MALRD1: variants seen among roughly 807,000 people sequenced by gnomAD.
MALRD1 encodes the protein MAM and LDL receptor class A domain containing 1, also known as MAM and LDL-receptor class A domain-containing protein 1.
A neutral mutation model predicts 242.1 loss-of-function variants in MALRD1; 247 were observed. The ratio of observed to expected loss-of-function variants is 1.02; its 90% CI spans 0.92 to 1.13. The LOEUF (loss-of-function observed/expected upper bound fraction) is 1.13, where lower values mean the gene tolerates loss of function less well. MALRD1 is among the 50% of genes most tolerant of loss of function. The probability of loss-of-function intolerance (pLI) is 0.00; values close to 1 mark genes in which losing one functional copy is unlikely to be tolerated. For missense variants in MALRD1, 2,989 were observed against 2,533.1 expected, an observed-to-expected ratio of 1.18 and a Z score of -3.86; for synonymous variants, 995 against 866.6, an observed-to-expected ratio of 1.15 and a Z score of -2.60.
chr10:19,139,087 A>T (rs766203964), intron 10 of MALRD1, among the ~76,000 whole-genome samples: 21 of 152,358 alleles, frequency 1.4e-4, no homozygotes, highest in Non-Finnish European at 2.6e-4. Context: ...GCCATATTGC[A>T]TACAGTATAT....
intron 11 of MALRD1, among the ~76,000 whole-genome samples, chr10:19,150,165 G>T (rs1833890787): frequency 6.6e-6 from 1 of 152,140 alleles, no homozygotes; most frequent in South Asian, 2.1e-4. Flanking sequence ...ACGTGTTTTT[G>T]TCTGGACATA....
chr10:19,340,770 A>G (rs1228044452), intron 24 of MALRD1, among the ~76,000 whole-genome samples: 1 of 152,140 alleles, frequency 6.6e-6, no homozygotes, highest in East Asian at 1.9e-4. Context: ...GCTTCAAAAT[A>G]TCATTACTTT....
intron 5 of MALRD1, among the ~76,000 whole-genome samples, chr10:19,115,793 T>G (rs1307944865): frequency 6.6e-6 from 1 of 152,048 alleles, no homozygotes; most frequent in Non-Finnish European, 1.5e-5. Context: ...GGAGAATCGC[T>G]TGAACCCAGG....
chr10:19,478,189 C>A (rs575119357), intron 29 of MALRD1, among the ~76,000 whole-genome samples: 1 of 152,190 alleles, frequency 6.6e-6, no homozygotes, highest in Non-Finnish European at 1.5e-5. Context: ...ATCCTTACTG[C>A]GCATTATTGT....
In MALRD1 at chr10:19,238,516, TATTATATATAATATAC is replaced by T. The variant is rs1564492841; in HGVS notation, c.2992-19152_2992-19137del. Among the ~76,000 whole-genome samples, 59 of 80,830 alleles carry T rather than the reference TATTATATATAATATAC, an allele frequency of 7.3e-4. 5 individuals are homozygous for T. The highest frequency in any genetic ancestry group is 2.4e-3 in the African/African-American group (41 of 16,912). 53.0% of individuals were successfully genotyped at this position (80,830 alleles called of 152,430 possible). A position where few individuals can be genotyped will look rare whatever the true frequency, so the allele number is the denominator to read the frequency against. On this transcript the variant is annotated intron_variant, in intron 18 of 39. Coordinates refer to ENST00000454679, the MANE Select transcript of MALRD1 (RefSeq NM_001142308.3). ...AATATATAATATAATATATAATGTA[TATTATATATAATATAC>T]ATTATATATAATATATAATGTATAT...
At chr10:19,125,982 T>C (rs986283837) in intron 7 of MALRD1, among the ~76,000 whole-genome samples, 8 of 152,074 alleles carry the variant, frequency 5.3e-5, no homozygotes, top group Admixed American at 3.3e-4. Context: ...CCATAGTACC[T>C]GTAAACTTAA....
chr10:19,213,030 G>A (rs997243678), intron 18 of MALRD1, among the ~76,000 whole-genome samples: 1 of 152,062 alleles, frequency 6.6e-6, no homozygotes, highest in African/African-American at 2.4e-5. Flanking sequence ...CCAGCCTGCA[G>A]CTTGCCTTTT....
chr10:19,401,490 A>G lies in MALRD1; in HGVS notation c.4845+11881A>G, dbSNP rs192264438. On this transcript the variant is annotated intron_variant, in intron 28 of 39. Coordinates refer to ENST00000454679, the MANE Select transcript of MALRD1 (RefSeq NM_001142308.3). ...AACTGCTTTTTGAATGGCAGAAGGA[A>G]AACAATTGAAAAATGAAATCCTTAA... Among the ~76,000 whole-genome samples the G allele has an allele frequency of 2.0e-4, 31 of 152,320 alleles. No individual in the cohort carries two copies. In the East Asian group the frequency reaches 6.0e-3, roughly 29 times the overall value.
rs1836949839 is a variant in MALRD1, at chr10:19,209,592, G to A, written c.2903G>A (p.Arg968Lys). Residue 968 changes from arginine to lysine, a missense_variant, in exon 18 of 40, where the codon AGG becomes AAG. Physicochemically the swap from Arg to Lys is conservative, Grantham distance 26 (BLOSUM62 2). Transcript: ENST00000454679. ...AIYQRIWSDS[R>K]GQLLWQIFGN... ...TACCAACGAATCTGGAGTGACTCAA[G>A]GGGACAGCTGCTGTGGCAGATATTT... 1 of 1,550,822 alleles carries A rather than the reference G, an allele frequency of 6.4e-7. No individual in the cohort carries two copies. The highest frequency in any genetic ancestry group is 1.4e-5 in the African/African-American group (1 of 73,036).
chr10:19,504,962 G>A (rs1564397772), intron 31 of MALRD1, among the ~76,000 whole-genome samples: 2 of 151,980 alleles, frequency 1.3e-5, no homozygotes, highest in African/African-American at 2.4e-5. Context: ...GATTACAGGC[G>A]TGAGCCACCG....
In MALRD1 at chr10:19,636,898, C is replaced by CAAAAAA. The variant is rs5783689; in HGVS notation, c.6137+20985_6137+20990dup. Among the ~76,000 whole-genome samples, 823 of 95,212 alleles carry CAAAAAA rather than the reference C, an allele frequency of 8.6e-3. 10 individuals are homozygous for CAAAAAA. Among genetic ancestry groups the CAAAAAA allele is most frequent in the African/African-American group, 0.026 (764 of 29,280 alleles). The allele number at this position is 95,212 out of a possible 152,430, so 62.5% of individuals were successfully genotyped here. A position where few individuals can be genotyped will look rare whatever the true frequency, so the allele number is the denominator to read the frequency against. ...TGGGTGACAGAGTGAGACTCTGTCT[C>CAAAAAA]AAAAAAAAAAAAAAACGCAGAGTAG... On this transcript the variant is annotated intron_variant, in intron 36 of 39. Transcript: ENST00000454679.
chr10:19,417,233 A>G (rs753264494), intron 28 of MALRD1, among the ~76,000 whole-genome samples: 9 of 152,202 alleles, frequency 5.9e-5, no homozygotes, highest in Non-Finnish European at 1.3e-4. Context: ...TCATATAGCT[A>G]TAAATGTCCA....
chr10:19,290,524 AATT>A (rs1160267920), intron 21 of MALRD1: 3 of 152,194 alleles, frequency 2.0e-5, no homozygotes, highest in African/African-American at 7.2e-5. Context: ...CATCAGTTGC[AATT>A]TACATGTTTT....
At chr10:19,295,742 A>G (rs1426454546) in intron 21 of MALRD1, among the ~76,000 whole-genome samples, 1 of 152,138 alleles carries the variant, frequency 6.6e-6, no homozygotes, top group Non-Finnish European at 1.5e-5. Context: ...TTTGTTCAAC[A>G]CTGTAGCCCT....
rs553458481 is a variant in MALRD1, at chr10:19,652,248, A to G, written c.6137+36325A>G. ...TCATACAAGGTTGGTTTGTCCTCCC[A>G]CTTCATTTTTAAAGCACTCTTGAGG... On this transcript the variant is annotated intron_variant, in intron 36 of 39. Transcript: ENST00000454679. 2.0e-5 allele frequency among the ~76,000 whole-genome samples: 3 copies of G among 152,288 alleles called. No homozygotes were observed. The East Asian group carries it at 5.8e-4, about 29-fold the overall frequency.
chr10:19,233,853 T>G (rs1240973507), intron 18 of MALRD1, among the ~76,000 whole-genome samples: 4 of 151,936 alleles, frequency 2.6e-5, no homozygotes, highest in Admixed American at 6.5e-5. Context: ...GGTTTCTTTT[T>G]TTTTAATGGG....
At chr10:19,661,402 T>C (rs1364175110) in intron 36 of MALRD1, among the ~76,000 whole-genome samples, 1 of 152,072 alleles carries the variant, frequency 6.6e-6, no homozygotes, top group Non-Finnish European at 1.5e-5. Context: ...CCAACAATGA[T>C]AGACTGGATT....
chr10:19,418,392 A>G (rs1264211269), intron 28 of MALRD1, among the ~76,000 whole-genome samples: 1 of 152,104 alleles, frequency 6.6e-6, no homozygotes, highest in Non-Finnish European at 1.5e-5. Flanking sequence ...GGTATGTTTT[A>G]TATTTTTCTT....
At chr10:19,652,990 A>G (rs556807781) in intron 36 of MALRD1, among the ~76,000 whole-genome samples, 11 of 152,254 alleles carry the variant, frequency 7.2e-5, no homozygotes, top group African/African-American at 2.4e-4. Flanking sequence ...TTTACATATC[A>G]GTATGTCTAA....
Sources: allele counts gnomAD v4.1 joint callset (sites outside exome capture counted in the v4.1 genomes callset), GRCh38; gene constraint gnomAD v4.1.1; transcripts MANE v1.5; gene names NCBI Gene and HGNC (gene_info 2026-07-23, HGNC 2026-07-21).